Variants in CSMD1 observed in about 807,000 individuals in gnomAD.
The protein encoded by CSMD1 is CUB and sushi domain-containing protein 1.
A neutral mutation model predicts 417.5 loss-of-function variants in CSMD1; 213 were observed. The observed-to-expected ratio is 0.51, with a 90% CI of 0.46 to 0.57. The LOEUF is 0.57. Ranked by LOEUF, CSMD1 falls within the 20% of genes least tolerant of loss-of-function variation. The probability of loss-of-function intolerance (pLI) is 0.00; values close to 1 mark genes in which losing one functional copy is unlikely to be tolerated. For missense variants in CSMD1, 6,923 were observed against 4,529.7 expected, an observed-to-expected ratio of 1.53 and a Z score of -15.17; for synonymous variants, 2,862 against 1,736.8, an observed-to-expected ratio of 1.65 and a Z score of -16.11.
rs139523076 is a variant in CSMD1, at chr8:3,311,391, A to C, written c.3632-2888T>G. Among the ~76,000 whole-genome samples the C allele has an allele frequency of 1.3e-4, 20 of 152,228 alleles. No individual in the cohort carries two copies. In the East Asian group the frequency reaches 3.9e-3, roughly 29 times the overall value. The stretch of plus-strand genomic sequence containing the variant: ...CAGCCTCCTGAATAGCTGGGACTAT[A>C]AGTGCGAGCCATCACACCCAGCTAA... On this transcript the variant is annotated intron_variant, in intron 23 of 69. Transcript: ENST00000635120.
intron 5 of CSMD1, among the ~76,000 whole-genome samples, chr8:3,756,213 C>A (rs1218145567): frequency 6.6e-6 from 1 of 151,862 alleles, no homozygotes; most frequent in Non-Finnish European, 1.5e-5. Flanking sequence ...ATTAGCCGGG[C>A]ATGGTGGCGG....
chr8:3,553,031 A>G (rs1798985512), intron 10 of CSMD1, among the ~76,000 whole-genome samples: 2 of 152,158 alleles, frequency 1.3e-5, no homozygotes, highest in Admixed American at 1.3e-4. Flanking sequence ...AGTTTTGCAG[A>G]AGAATACTGA....
At chr8:3,326,150 T>C (rs1806516544) in intron 23 of CSMD1, among the ~76,000 whole-genome samples, 1 of 152,196 alleles carries the variant, frequency 6.6e-6, no homozygotes, top group Admixed American at 6.5e-5. Flanking sequence ...CAGTGGGACG[T>C]TCGACAACAT....
intron 3 of CSMD1, among the ~76,000 whole-genome samples, chr8:4,253,125 T>C (rs1469946423): frequency 2.6e-5 from 4 of 152,216 alleles, no homozygotes; most frequent in Admixed American, 6.5e-5. Context: ...ACTGGATGGA[T>C]ATTGAATGAG....
Position 3,798,197 on chromosome 8 carries a change from A to G in CSMD1, c.819-44155T>C, listed in dbSNP as rs142211392. Among the ~76,000 whole-genome samples the G allele has an allele frequency of 2.4e-3, 359 of 152,148 alleles. 2 individuals are homozygous for G. Among genetic ancestry groups the G allele is most frequent in the Middle Eastern group, 6.8e-3 (2 of 294 alleles). ...AAAACAATTTTTAACATTTTCCGCT[A>G]CAGAGTTCATTTCTGTATGAAATGA... On this transcript the variant is annotated intron_variant, in intron 5 of 69. Coordinates refer to ENST00000635120, the MANE Select transcript of CSMD1 (RefSeq NM_033225.6).
chr8:4,146,440 C>G (rs1176667227), intron 3 of CSMD1, among the ~76,000 whole-genome samples: 2 of 150,402 alleles, frequency 1.3e-5, no homozygotes, highest in African/African-American at 5.0e-5. Context: ...CAGGATGTGT[C>G]TCAGCAGTAA....
chr8:4,849,298 C>A (rs757692378), intron 1 of CSMD1, among the ~76,000 whole-genome samples: 12 of 151,882 alleles, frequency 7.9e-5, no homozygotes, highest in African/African-American at 2.9e-4. Flanking sequence ...AAAAGAGTCA[C>A]ATGTTTAAAA....
intron 7 of CSMD1, among the ~76,000 whole-genome samples, chr8:3,623,711 C>G (rs763020777): frequency 6.6e-5 from 10 of 152,118 alleles, no homozygotes; most frequent in Admixed American, 1.3e-4. Flanking sequence ...CGTGGGGGCT[C>G]ATGCCTGTAA....
Position 3,346,724 on chromosome 8 carries a change from A to G in CSMD1, c.3474+1268T>C, listed in dbSNP as rs1351545958. Among the ~76,000 whole-genome samples, 5 of 152,208 alleles carry G rather than the reference A, an allele frequency of 3.3e-5. 1 individual carries two copies. The highest frequency in any genetic ancestry group is 3.3e-4 in the Admixed American group (5 of 15,274). On this transcript the variant is annotated intron_variant, in intron 22 of 69. Transcript: ENST00000635120. ...TCCAGCCATTCTGTAAAGGGAGGAC[A>G]CACAGTGTTTTCCCTTTTAGTTGGC... is the stretch of plus-strand genomic sequence containing the variant.
chr8:4,133,883 A>G (rs943750419), intron 3 of CSMD1, among the ~76,000 whole-genome samples: 18 of 152,336 alleles, frequency 1.2e-4, no homozygotes, highest in African/African-American at 4.1e-4. Flanking sequence ...GAAATTTTTT[A>G]TAAGAAATCT....
At chr8:4,643,696 G>C (rs984726655) in intron 1 of CSMD1, among the ~76,000 whole-genome samples, 1 of 152,334 alleles carries the variant, frequency 6.6e-6, no homozygotes, top group Non-Finnish European at 1.5e-5. Context: ...GATAAGCGCT[G>C]TTTGAAACGG....
At chr8:4,012,738 C>G (rs768635488) in intron 4 of CSMD1, among the ~76,000 whole-genome samples, 2 of 152,138 alleles carry the variant, frequency 1.3e-5, no homozygotes, top group Non-Finnish European at 1.5e-5. Flanking sequence ...ACTAACTAGC[C>G]CTAAAATGGT....
intron 8 of CSMD1, among the ~76,000 whole-genome samples, chr8:3,614,437 T>A (rs1802039709): frequency 6.6e-6 from 1 of 152,132 alleles, no homozygotes; most frequent in Non-Finnish European, 1.5e-5. Flanking sequence ...GATCTGAGAA[T>A]GAAATGGAGT....
intron 5 of CSMD1, among the ~76,000 whole-genome samples, chr8:3,869,371 A>C (rs1388891340): frequency 6.6e-6 from 1 of 152,196 alleles, no homozygotes; most frequent in Non-Finnish European, 1.5e-5. Context: ...TATATAATAC[A>C]TAGAGACTGA....
chr8:3,997,440 G>A (rs988372241), intron 5 of CSMD1, among the ~76,000 whole-genome samples: 9 of 152,188 alleles, frequency 5.9e-5, no homozygotes, highest in South Asian at 4.1e-4. Context: ...TTGTAGCCAC[G>A]GGCACTTCCC....
chr8:4,014,905 T>C (rs1419736684), intron 4 of CSMD1, among the ~76,000 whole-genome samples: 1 of 152,138 alleles, frequency 6.6e-6, no homozygotes, highest in Non-Finnish European at 1.5e-5. Context: ...CAGAGCCACT[T>C]CTGATTATTT....
At chr8:4,463,774 T>C (rs186214322) in intron 2 of CSMD1, among the ~76,000 whole-genome samples, 59 of 152,246 alleles carry the variant, frequency 3.9e-4, no homozygotes, top group African/African-American at 1.4e-3. Context: ...TGGGTACTAA[T>C]GGATACTGGG....
At position 4,101,369 on chromosome 8, in the gene CSMD1, T is replaced by C. The variant is rs181008852; in HGVS notation, c.416-69270A>G. On this transcript the variant is annotated intron_variant, in intron 3 of 69. Transcript: ENST00000635120. ...CAGCCCTAACCAATACCACATTCCA[T>C]CTGGGGCCCTGACAACGATCCCACT... is the stretch of plus-strand genomic sequence containing the variant. 3.5e-3 allele frequency among the ~76,000 whole-genome samples: 526 copies of C among 152,216 alleles called. 3 individuals carry two copies. The highest frequency in any genetic ancestry group is 0.012 in the African/African-American group (515 of 41,546).
At chr8:3,742,308 C>G (rs1047948316) in intron 6 of CSMD1, among the ~76,000 whole-genome samples, 2 of 152,102 alleles carry the variant, frequency 1.3e-5, no homozygotes, top group Admixed American at 6.6e-5. Context: ...TTTATGAAAT[C>G]TGGTATCCAG....
Sources: gnomAD v4.1 joint callset for allele counts (sites outside exome capture counted in the v4.1 genomes callset) on GRCh38, gnomAD v4.1.1 for gene constraint, MANE v1.5 for transcripts, NCBI Gene and HGNC (gene_info 2026-07-23, HGNC 2026-07-21) for gene names.